Variants in EPHB1 observed in about 807,000 individuals in gnomAD.
The protein encoded by EPHB1 is ephrin type-B receptor 1.
A neutral mutation model predicts 94.4 loss-of-function variants in EPHB1; 30 were observed. That is an observed-to-expected ratio of 0.32 (90% CI 0.24 to 0.43). The LOEUF (loss-of-function observed/expected upper bound fraction) is 0.43, where lower values mean the gene tolerates loss of function less well. Among genes scored for constraint, EPHB1 ranks in the 20% least tolerant of loss-of-function variants. The pLI is 1.00. For missense variants in EPHB1, 1,055 were observed against 1,308.3 expected, an observed-to-expected ratio of 0.81 and a Z score of 2.99; for synonymous variants, 522 against 489.1, an observed-to-expected ratio of 1.07 and a Z score of -0.89.
At chr3:135,017,180 A>C (rs1025295415) in intron 3 of EPHB1, among the ~76,000 whole-genome samples, 1 of 152,198 alleles carries the variant, frequency 6.6e-6, no homozygotes, top group African/African-American at 2.4e-5. Context: ...TGTGTCACCA[A>C]GCACCGCCTT....
intron 3 of EPHB1, among the ~76,000 whole-genome samples, chr3:134,970,401 A>G (rs1007450629): frequency 1.3e-5 from 2 of 152,164 alleles, no homozygotes; most frequent in Non-Finnish European, 2.9e-5. Flanking sequence ...CTTGAATATT[A>G]TGTTCTCAGG....
intron 3 of EPHB1, among the ~76,000 whole-genome samples, chr3:134,962,372 T>A (rs1001830964): frequency 5.9e-5 from 9 of 152,176 alleles, no homozygotes; most frequent in African/African-American, 2.2e-4. Context: ...CAACCCTGCA[T>A]CATCCTCTGT....
In EPHB1 at chr3:135,259,202, C is replaced by A; in HGVS notation, c.*82C>A. ...CAGAGGTTGACCACTGTGGAATGTACTGGAGAGACTGGCTTCTCAGCTGAG... is the reference window on the plus strand; with the variant it reads ...CAGAGGTTGACCACTGTGGAATGTAATGGAGAGACTGGCTTCTCAGCTGAG... On this transcript the variant is annotated 3_prime_UTR_variant, in exon 16 of 16. Transcript: ENST00000398015. 1 of 1,049,690 alleles carries A rather than the reference C, an allele frequency of 9.5e-7. No homozygotes were observed. The highest frequency in any genetic ancestry group is 1.4e-6 in the Non-Finnish European group (1 of 707,540). The allele number at this position is 1,049,690 out of a possible 1,614,324, so 65.0% of individuals were successfully genotyped here.
intron 3 of EPHB1, among the ~76,000 whole-genome samples, chr3:135,039,875 G>C (rs1047673733): frequency 5.9e-5 from 9 of 152,146 alleles, no homozygotes; most frequent in South Asian, 2.1e-4. Flanking sequence ...ACAGTGCAGT[G>C]GGGGGGCTGA....
intron 3 of EPHB1, among the ~76,000 whole-genome samples, chr3:135,032,676 G>A (rs893404292): frequency 1.3e-5 from 2 of 152,178 alleles, no homozygotes. Flanking sequence ...ATGGCAAGAT[G>A]ATCAGTGCAC....
chr3:134,812,912 A>G (rs1181819780), intron 1 of EPHB1, among the ~76,000 whole-genome samples: 1 of 152,102 alleles, frequency 6.6e-6, no homozygotes, highest in Non-Finnish European at 1.5e-5. Context: ...GGATGTTTAG[A>G]TATTTGTCCA....
intron 1 of EPHB1, among the ~76,000 whole-genome samples, chr3:134,891,959 A>G (rs1361323269): frequency 2.0e-5 from 3 of 152,222 alleles, no homozygotes; most frequent in African/African-American, 7.2e-5. Flanking sequence ...CTCCTACTGT[A>G]GCTCATATCA....
intron 2 of EPHB1, among the ~76,000 whole-genome samples, chr3:134,940,866 A>G (rs934052383): frequency 6.6e-6 from 1 of 152,216 alleles, no homozygotes; most frequent in Non-Finnish European, 1.5e-5. Context: ...AACTCCTAGA[A>G]TGTTGCTTGG....
chr3:135,182,900 T>C (rs950878081), intron 10 of EPHB1, among the ~76,000 whole-genome samples: 2 of 152,158 alleles, frequency 1.3e-5, no homozygotes, highest in African/African-American at 4.8e-5. Context: ...TAGAAGTATT[T>C]ACATCATGGG....
intron 1 of EPHB1, among the ~76,000 whole-genome samples, chr3:134,916,062 G>A (rs549261956): frequency 5.9e-5 from 9 of 152,196 alleles, no homozygotes; most frequent in East Asian, 1.9e-4. Flanking sequence ...TGATTGGTGC[G>A]TTTACAATCC....
chr3:135,215,669 A>G (rs1207289385), intron 12 of EPHB1, among the ~76,000 whole-genome samples: 1 of 152,202 alleles, frequency 6.6e-6, no homozygotes, highest in Non-Finnish European at 1.5e-5. Flanking sequence ...GGGAAAAGAA[A>G]CTAAAATGAC....
At chr3:135,177,151 T>C (rs947411085) in intron 9 of EPHB1, among the ~76,000 whole-genome samples, 4 of 152,240 alleles carry the variant, frequency 2.6e-5, no homozygotes, top group Middle Eastern at 6.8e-3. Context: ...ACCGCCCTCA[T>C]AGGCAGAGGA....
At chr3:135,055,984 C>T (rs1441987280) in intron 3 of EPHB1, among the ~76,000 whole-genome samples, 1 of 152,148 alleles carries the variant, frequency 6.6e-6, no homozygotes, top group African/African-American at 2.4e-5. Flanking sequence ...TCCCTCACAC[C>T]ACCCTCTGTT....
intron 10 of EPHB1, among the ~76,000 whole-genome samples, chr3:135,188,539 C>T (rs945055973): frequency 2.6e-5 from 4 of 152,166 alleles, no homozygotes; most frequent in Non-Finnish European, 4.4e-5. Context: ...ACAAGTGTTT[C>T]GAACAGTTTG....
At chr3:135,096,031 T>C (rs1251701326) in intron 3 of EPHB1, among the ~76,000 whole-genome samples, 1 of 152,178 alleles carries the variant, frequency 6.6e-6, no homozygotes, top group East Asian at 1.9e-4. Flanking sequence ...ATCTTTGTGT[T>C]TTTCCTCCAT....
intron 1 of EPHB1, among the ~76,000 whole-genome samples, chr3:134,876,516 C>CT (rs1391566744): frequency 6.6e-6 from 1 of 152,232 alleles, no homozygotes; most frequent in Non-Finnish European, 1.5e-5. Context: ...GCTCTGCTCT[C>CT]TTCTCAGTAA....
At chr3:135,039,594 C>T (rs1024154482) in intron 3 of EPHB1, among the ~76,000 whole-genome samples, 4 of 152,250 alleles carry the variant, frequency 2.6e-5, no homozygotes, top group East Asian at 3.8e-4. Context: ...AGCTAAGGCC[C>T]GGCGAGAAAT....
At chr3:135,159,644 G>A (rs1045858200) in intron 6 of EPHB1, among the ~76,000 whole-genome samples, 2 of 152,194 alleles carry the variant, frequency 1.3e-5, no homozygotes, top group African/African-American at 4.8e-5. Context: ...GTGGGGGTGG[G>A]GAGGATCCCC....
intron 6 of EPHB1, among the ~76,000 whole-genome samples, chr3:135,156,739 C>A (rs1941368314): frequency 6.6e-6 from 1 of 152,218 alleles, no homozygotes; most frequent in South Asian, 2.1e-4. Context: ...CAGCTGAATT[C>A]ATAAGCATCT....
Sources: allele counts gnomAD v4.1 joint callset (sites outside exome capture counted in the v4.1 genomes callset), GRCh38; gene constraint gnomAD v4.1.1; transcripts MANE v1.5; gene names NCBI Gene and HGNC (gene_info 2026-07-23, HGNC 2026-07-21).